The following CDK17 variants were observed in gnomAD, a reference collection of about 807,000 sequenced individuals.
CDK17 encodes cyclin dependent kinase 17.
In CDK17, 24 loss-of-function variants were observed where a neutral mutation model predicts 77.6. The ratio of observed to expected loss-of-function variants is 0.31; its 90% confidence interval spans 0.22 to 0.44. The LOEUF is 0.44. CDK17 is among the 20% of genes least tolerant of loss of function. CDK17 has a pLI of 1.00. For synonymous variants in CDK17, 203 were observed against 210.4 expected, an observed-to-expected ratio of 0.96 and a Z score of 0.30; for missense variants, 429 against 622.5, an observed-to-expected ratio of 0.69 and a Z score of 3.31.
intron 1 of CDK17, among the ~76,000 whole-genome samples, chr12:96,365,527 C>G (rs952289298): frequency 6.6e-6 from 1 of 151,980 alleles, no homozygotes; most frequent in Admixed American, 6.6e-5. Flanking sequence ...ACACAAAATG[C>G]CTTTCCTTTC....
chr12:96,350,627 A>G (rs965452982), intron 1 of CDK17, among the ~76,000 whole-genome samples: 1 of 152,198 alleles, frequency 6.6e-6, no homozygotes, highest in Non-Finnish European at 1.5e-5. Context: ...GGGAGGGAGC[A>G]GTTTATTTAG....
intron 1 of CDK17, chr12:96,399,355 G>A (rs780141591): frequency 6.6e-6 from 1 of 152,352 alleles, no homozygotes; most frequent in Non-Finnish European, 1.5e-5. Context: ...CTCCGCTCTT[G>A]ACCAACACTC....
At chr12:96,368,585 G>A (rs949646894) in intron 1 of CDK17, among the ~76,000 whole-genome samples, 4 of 151,986 alleles carry the variant, frequency 2.6e-5, no homozygotes, top group Non-Finnish European at 2.9e-5. Flanking sequence ...ATTCTTAGAC[G>A]GCATTTTCAG....
chr12:96,348,662 A>G (rs1435813366), intron 1 of CDK17, among the ~76,000 whole-genome samples: 1 of 152,182 alleles, frequency 6.6e-6, no homozygotes, highest in Non-Finnish European at 1.5e-5. Context: ...ATACAGAAAT[A>G]AAACGGATTA....
intron 10 of CDK17, among the ~76,000 whole-genome samples, chr12:96,289,931 G>A (rs1378355547): frequency 2.0e-5 from 3 of 152,010 alleles, no homozygotes; most frequent in Non-Finnish European, 4.4e-5. Context: ...TTTACGTCAG[G>A]GGTGTCCAAT....
chr12:96,366,082 A>T (rs1454820295), intron 1 of CDK17, among the ~76,000 whole-genome samples: 1 of 152,178 alleles, frequency 6.6e-6, no homozygotes, highest in Non-Finnish European at 1.5e-5. Flanking sequence ...GTTACATTTC[A>T]ACACTTCTGA....
At chr12:96,353,714 AG>A (rs1565832845) in intron 1 of CDK17, among the ~76,000 whole-genome samples, 1 of 152,114 alleles carries the variant, frequency 6.6e-6, no homozygotes, top group Non-Finnish European at 1.5e-5. Flanking sequence ...GAGATTTGCT[AG>A]GTTAGTTTCC....
chr12:96,351,979 C>T (rs1323002788), intron 1 of CDK17, among the ~76,000 whole-genome samples: 1 of 151,994 alleles, frequency 6.6e-6, no homozygotes, highest in Non-Finnish European at 1.5e-5. Context: ...GCTGAGGATG[C>T]AAAGAAAATA....
intron 1 of CDK17, among the ~76,000 whole-genome samples, chr12:96,347,640 G>A (rs1277469840): frequency 2.0e-5 from 2 of 98,482 alleles, no homozygotes; most frequent in African/African-American, 7.8e-5. Context: ...GGGGAGGGGA[G>A]GGGAGGGGAA....
At chr12:96,384,170 C>G (rs957613202) in intron 1 of CDK17, among the ~76,000 whole-genome samples, 10 of 152,148 alleles carry the variant, frequency 6.6e-5, no homozygotes, top group Admixed American at 4.6e-4. Context: ...CATTACTAAT[C>G]ATGAGATAAA....
Position 96,286,077 on chromosome 12 carries a change from A to C in CDK17, c.1288T>G (p.Tyr430Asp), listed in dbSNP as rs752684063. Residue 430 changes from tyrosine (Y) to aspartate (D), a missense_variant, in exon 13 of 17, where the codon TAT becomes GAT. By Grantham distance (160) the Tyr-to-Asp change is radical (BLOSUM62 -3). Around this residue, in one of 4 missense-constraint regions of CDK17, gnomAD observed 115 missense variants for 124.2 expected, o/e 0.93. Transcript: ENST00000261211. ...TGGTTAATTAGAGGCTGTGGTTTAT[A>C]TTTTGGAAAGTTGTAGTTCTTGAAC... ...EEFKNYNFPK[Y>D]KPQPLINHAP... The C allele has an allele frequency of 4.5e-6, 7 of 1,561,844 alleles. No individual in the cohort carries two copies. Among genetic ancestry groups the C allele is most frequent in the Non-Finnish European group, 6.1e-6 (7 of 1,151,028 alleles).
At chr12:96,394,938 C>A (rs1244542339) in intron 1 of CDK17, among the ~76,000 whole-genome samples, 1 of 149,996 alleles carries the variant, frequency 6.7e-6, no homozygotes, top group Non-Finnish European at 1.5e-5. Flanking sequence ...TGCAATGGTG[C>A]GATCTTGGCT....
At chr12:96,329,542 C>T (rs1227228196) in intron 2 of CDK17, among the ~76,000 whole-genome samples, 2 of 152,132 alleles carry the variant, frequency 1.3e-5, no homozygotes, top group African/African-American at 2.4e-5. Flanking sequence ...GCCATTCCCT[C>T]CTCCCAAACC....
rs372313688 is a variant in CDK17, at chr12:96,300,234, C to T, written c.600+70G>A. The T allele has an allele frequency of 3.8e-4, 381 of 1,005,490 alleles. 1 individual carries two copies. The highest frequency in any genetic ancestry group is 5.1e-4 in the Admixed American group (25 of 48,702). 62.3% of individuals were successfully genotyped at this position (1,005,490 alleles called of 1,614,324 possible). ...ACGTTTTTTCCAGGTTAACAAAAAC[C>T]GTGGAGTAACAGAGTTTGAATGACG... is the stretch of plus-strand genomic sequence containing the variant. On this transcript the variant is annotated intron_variant, in intron 6 of 16. Coordinates refer to ENST00000261211, the MANE Select transcript of CDK17 (RefSeq NM_002595.5).
intron 3 of CDK17, among the ~76,000 whole-genome samples, chr12:96,315,996 C>G (rs576619472): frequency 1.3e-5 from 2 of 151,980 alleles, no homozygotes; most frequent in African/African-American, 4.8e-5. Flanking sequence ...CAGCTCCCAG[C>G]GTGAGCGACG....
chr12:96,301,238 G>A (rs1344806185), intron 5 of CDK17, among the ~76,000 whole-genome samples: 2 of 88,586 alleles, frequency 2.3e-5, no homozygotes, highest in South Asian at 4.0e-4. Context: ...CTCAACACTC[G>A]GCCAAAAAAA....
chr12:96,322,659 TAG>T (rs977814966), intron 3 of CDK17, among the ~76,000 whole-genome samples: 3 of 152,184 alleles, frequency 2.0e-5, no homozygotes, highest in Non-Finnish European at 4.4e-5. Context: ...TACCATTATA[TAG>T]TGTTTTTGAC....
intron 1 of CDK17, among the ~76,000 whole-genome samples, chr12:96,382,715 C>T (rs7138972): frequency 0.044 from 6,629 of 152,158 alleles, 197 homozygotes; most frequent in East Asian, 0.12. Flanking sequence ...CACATGAAAA[C>T]AATAAATGTG....
chr12:96,317,570 G>GGGAA (rs1327503670), intron 3 of CDK17, among the ~76,000 whole-genome samples: 1 of 122,900 alleles, frequency 8.1e-6, no homozygotes, highest in Non-Finnish European at 1.7e-5. Context: ...TACCCTCAAA[G>GGGAA]GGAAGCCCAT....
Sources: allele counts gnomAD v4.1 joint callset (sites outside exome capture counted in the v4.1 genomes callset), GRCh38; gene constraint gnomAD v4.1.1; regional missense constraint gnomAD v4.1.1; transcripts MANE v1.5; gene names NCBI Gene and HGNC (gene_info 2026-07-23, HGNC 2026-07-21).